The following PTPRG variants were observed in gnomAD, a reference collection of about 807,000 sequenced individuals.
PTPRG encodes protein tyrosine phosphatase receptor type G.
Under a neutral mutation model 165.3 loss-of-function variants are expected in PTPRG, and 102 were observed. The ratio of observed to expected loss-of-function variants is 0.62; its 90% confidence interval spans 0.53 to 0.73. The LOEUF is 0.73. Ranked by LOEUF, PTPRG falls within the 30% of genes least tolerant of loss-of-function variation. The pLI is 0.00. For synonymous variants in PTPRG, 675 were observed against 669.5 expected (o/e 1.01, Z -0.13); for missense variants, 1,866 against 1,861.4 (o/e 1.00, Z -0.05).
chr3:62,113,495 C>A (rs1002325466), intron 5 of PTPRG, among the ~76,000 whole-genome samples: 1 of 152,112 alleles, frequency 6.6e-6, no homozygotes, highest in Non-Finnish European at 1.5e-5. Context: ...TCGTAAAATA[C>A]ACATACCAAA....
Position 62,157,152 on chromosome 3 carries a change from G to T in PTPRG, c.768G>T (p.Leu256Phe). The T allele has an allele frequency of 6.2e-7, 1 of 1,613,944 alleles. No individual in the cohort carries two copies. Among genetic ancestry groups the T allele is most frequent in the South Asian group, 1.1e-5 (1 of 91,068 alleles). The change falls in exon 7 of 30, where the codon TTG (leucine) becomes TTT (phenylalanine). Residue 256 changes from leucine to phenylalanine, a missense_variant. Physicochemically the swap from Leu to Phe is conservative, Grantham distance 22 (BLOSUM62 0). Coordinates refer to ENST00000474889, the MANE Select transcript of PTPRG (RefSeq NM_002841.4). ...GCTATTATCGGTACACAGGTTCCTTGACCACACCACCGTGTAGCGAAATAG... is the reference window on the plus strand; with the variant it reads ...GCTATTATCGGTACACAGGTTCCTTTACCACACCACCGTGTAGCGAAATAG... ...LGSYYRYTGS[L>F]TTPPCSEIVE... is the part of the protein sequence containing the mutation.
intron 2 of PTPRG, among the ~76,000 whole-genome samples, chr3:61,855,525 T>C (rs1383703278): frequency 1.3e-5 from 2 of 152,142 alleles, no homozygotes; most frequent in Non-Finnish European, 2.9e-5. Context: ...TGGTCTTCCA[T>C]GTAAAACTTC....
intron 1 of PTPRG, among the ~76,000 whole-genome samples, chr3:61,729,918 T>C (rs1459385513): frequency 6.6e-6 from 1 of 152,238 alleles, no homozygotes; most frequent in Non-Finnish European, 1.5e-5. Flanking sequence ...GAATTCATCA[T>C]GGAAATGCCT....
chr3:61,838,858 T>A (rs1173700825), intron 2 of PTPRG, among the ~76,000 whole-genome samples: 2 of 152,206 alleles, frequency 1.3e-5, no homozygotes, highest in African/African-American at 4.8e-5. Flanking sequence ...GTTATTAGTG[T>A]CTTTGTTTCC....
At chr3:62,052,298 C>T (rs1319380620) in intron 4 of PTPRG, among the ~76,000 whole-genome samples, 2 of 152,142 alleles carry the variant, frequency 1.3e-5, no homozygotes, top group African/African-American at 4.8e-5. Flanking sequence ...GTACAGTAAT[C>T]CAGGTGTGTA....
At chr3:61,610,724 T>TC (rs1182877433) in intron 1 of PTPRG, among the ~76,000 whole-genome samples, 1 of 151,920 alleles carries the variant, frequency 6.6e-6, no homozygotes, top group Admixed American at 6.6e-5. Context: ...TATTACTTAT[T>TC]CTCTCATTGC....
intron 4 of PTPRG, among the ~76,000 whole-genome samples, chr3:62,038,437 A>C (rs1003510092): frequency 1.3e-5 from 2 of 152,108 alleles, no homozygotes; most frequent in Non-Finnish European, 2.9e-5. Flanking sequence ...TTGCTCTGTC[A>C]CCCAGGTTGG....
rs190648167 is a variant in PTPRG, at chr3:62,186,116, T to G, written c.1034-5353T>G. 2.7e-3 allele frequency among the ~76,000 whole-genome samples: 408 copies of G among 152,330 alleles called. 2 individuals are homozygous for G. The highest frequency in any genetic ancestry group is 0.01 in the Middle Eastern group (3 of 294). On this transcript the variant is annotated intron_variant, in intron 8 of 29. Coordinates refer to ENST00000474889, the MANE Select transcript of PTPRG (RefSeq NM_002841.4). ...CCTGAGTTATTTGACGGGTGTCTGG[T>G]ACTATCGTTGCCCCAGTCGCCAAGC...
At chr3:61,762,939 C>T (rs1461271527) in intron 2 of PTPRG, among the ~76,000 whole-genome samples, 1 of 151,994 alleles carries the variant, frequency 6.6e-6, no homozygotes, top group East Asian at 1.9e-4. Flanking sequence ...AACATGGCTT[C>T]CAGAATTCTA....
intron 4 of PTPRG, among the ~76,000 whole-genome samples, chr3:62,045,284 A>C (rs923610121): frequency 6.6e-6 from 1 of 152,180 alleles, no homozygotes; most frequent in Non-Finnish European, 1.5e-5. Flanking sequence ...CATCACAACC[A>C]ATTAAGGCTA....
At chr3:61,987,993 A>G (rs1194066130) in intron 2 of PTPRG, among the ~76,000 whole-genome samples, 1 of 152,234 alleles carries the variant, frequency 6.6e-6, no homozygotes, top group African/African-American at 2.4e-5. Flanking sequence ...GTAAAAAAAT[A>G]CATGAGTGAA....
At chr3:62,041,238 TTGCAGCCATGCTTC>T (rs564080754) in intron 4 of PTPRG, among the ~76,000 whole-genome samples, 169 of 152,340 alleles carry the variant, frequency 1.1e-3, no homozygotes, top group African/African-American at 3.9e-3. Flanking sequence ...AGTAAATTCT[TTGCAGCCATGCTTC>T]AGAGAAGGAT....
rs1699772795 is a variant in PTPRG at position 61,562,192 on chromosome 3, G to A, written c.-96G>A. ...GGGCCCGTGGAGCGGGCGAGCCGGG[G>A]AAGCGCCCCGGCTTAGCGGAGGCTC... On this transcript the variant is annotated 5_prime_UTR_variant, in exon 1 of 30. Transcript: ENST00000474889. 5 of 1,188,338 alleles carry A rather than the reference G, an allele frequency of 4.2e-6. No individual in the cohort carries two copies. The highest frequency in any genetic ancestry group is 6.2e-6 in the Non-Finnish European group (5 of 805,530). 73.6% of individuals were successfully genotyped at this position (1,188,338 alleles called of 1,614,324 possible). A position where few individuals can be genotyped will look rare whatever the true frequency, so the allele number is the denominator to read the frequency against.
At chr3:61,596,869 T>C (rs1367038915) in intron 1 of PTPRG, among the ~76,000 whole-genome samples, 1 of 152,188 alleles carries the variant, frequency 6.6e-6, no homozygotes, top group Non-Finnish European at 1.5e-5. Context: ...AAGGTTTTTA[T>C]GCAGCTTAAC....
chr3:61,868,263 A>G (rs2037465456), intron 2 of PTPRG, among the ~76,000 whole-genome samples: 1 of 152,204 alleles, frequency 6.6e-6, no homozygotes, highest in South Asian at 2.1e-4. Context: ...AAGCTCCAAG[A>G]TCAGAGTTTC....
chr3:61,775,269 C>T (rs1575654019), intron 2 of PTPRG, among the ~76,000 whole-genome samples: 1 of 152,214 alleles, frequency 6.6e-6, no homozygotes, highest in East Asian at 1.9e-4. Context: ...TGGGGTTTCA[C>T]CATGGTGGCC....
intron 1 of PTPRG, among the ~76,000 whole-genome samples, chr3:61,589,231 C>A (rs1700508172): frequency 6.6e-6 from 1 of 152,064 alleles, no homozygotes; most frequent in African/African-American, 2.4e-5. Flanking sequence ...ATGAACAGCA[C>A]CACAATGGAA....
intron 4 of PTPRG, among the ~76,000 whole-genome samples, chr3:62,066,160 A>G (rs1036224123): frequency 6.6e-6 from 1 of 152,218 alleles, no homozygotes; most frequent in Admixed American, 6.5e-5. Flanking sequence ...TGCTTAGCTT[A>G]ATTGCAAATT....
At chr3:61,727,568 G>T (rs2032318311) in intron 1 of PTPRG, among the ~76,000 whole-genome samples, 1 of 152,188 alleles carries the variant, frequency 6.6e-6, no homozygotes, top group Admixed American at 6.5e-5. Context: ...ACATTTTGAG[G>T]AACTGGGTAT....
Sources: allele counts gnomAD v4.1 joint callset (sites outside exome capture counted in the v4.1 genomes callset), GRCh38; gene constraint gnomAD v4.1.1; transcripts MANE v1.5; gene names NCBI Gene and HGNC (gene_info 2026-07-23, HGNC 2026-07-21).